The following DHX37 variants were observed in gnomAD, a reference collection of about 807,000 sequenced individuals.
The protein encoded by DHX37 is DEAH-box helicase 37, also known as probable ATP-dependent RNA helicase DHX37.
In DHX37, 52 loss-of-function variants were observed where a neutral mutation model predicts 134.3. The observed-to-expected ratio is 0.39, with a 90% CI of 0.31 to 0.49. The LOEUF (loss-of-function observed/expected upper bound fraction) is 0.49, where lower values mean the gene tolerates loss of function less well. Ranked by LOEUF, DHX37 falls within the 20% of genes least tolerant of loss-of-function variation. The pLI is 0.93. For synonymous variants in DHX37, 634 were observed against 670.7 expected, an observed-to-expected ratio of 0.95 and a Z score of 0.85; for missense variants, 1,344 against 1,580.8, an observed-to-expected ratio of 0.85 and a Z score of 2.54.
At position 124,952,449 on chromosome 12, in the gene DHX37, G is replaced by A. The variant is rs766286124; in HGVS notation, c.2817C>T (p.Arg939=). Residue 939 remains arginine, a synonymous_variant, in exon 21 of 27, where the codon CGC becomes CGT. Transcript: ENST00000308736. ...VTAGLGDHLA[R]RVQSEEMLED... is the part of the protein sequence containing the mutation. ...CCAGCATCTCCTCGCTCTGGACCCTGCGGGCCAAGTGGTCCCCCAGGCCTG... is the reference window on the plus strand; with the variant it reads ...CCAGCATCTCCTCGCTCTGGACCCTACGGGCCAAGTGGTCCCCCAGGCCTG... The A allele has an allele frequency of 6.2e-7, 1 of 1,611,274 alleles. No individual in the cohort carries two copies. The highest frequency in any genetic ancestry group is 1.1e-5 in the South Asian group (1 of 90,940).
intron 18 of DHX37, among the ~76,000 whole-genome samples, chr12:124,954,891 T>A (rs926384140): frequency 3.3e-5 from 5 of 152,216 alleles, no homozygotes; most frequent in African/African-American, 1.2e-4. Flanking sequence ...CCAATTATTA[T>A]CATTATCATC....
At position 124,982,592 on chromosome 12, in the gene DHX37, A is replaced by T; in HGVS notation, c.308T>A (p.Val103Asp). ...RAEMLQKLSE[V>D]QASEAEMRLF... ...TCTCATCTCAGCTTCGGAAGCCTGG[A>T]CTTCACTCAGCTTCTGTAGCATCTC... The change falls in exon 3 of 27, where the codon GTC (valine) becomes GAC (aspartate). Residue 103 changes from valine to aspartate, a missense_variant. Physicochemically the swap from Val to Asp is radical, Grantham distance 152. Transcript: ENST00000308736. 1 of 1,613,662 alleles carries T rather than the reference A, an allele frequency of 6.2e-7. No homozygotes were observed. The highest frequency in any genetic ancestry group is 8.5e-7 in the Non-Finnish European group (1 of 1,179,790).
intron 10 of DHX37, 72 bp from the exon 11 acceptor site, chr12:124,967,290 A>G (rs1255643798): frequency 7.3e-5 from 111 of 1,525,284 alleles, no homozygotes; most frequent in Non-Finnish European, 1.8e-6. Context: ...AGCACCTGCC[A>G]AGCCATGCTC....
chr12:124,952,295 C>T (rs1953989881), intron 21 of DHX37, 103 bp downstream of exon 21: 1 of 1,274,100 alleles, frequency 7.8e-7, no homozygotes, highest in East Asian at 2.8e-5. Context: ...TGGGGACCCA[C>T]AGCTGAGAGG....
intron 8 of DHX37, among the ~76,000 whole-genome samples, chr12:124,970,995 C>T (rs767059562): frequency 6.6e-6 from 1 of 152,246 alleles, no homozygotes; most frequent in Non-Finnish European, 1.5e-5. Flanking sequence ...CCTCATCAAC[C>T]AGCCCCATTG....
intron 4 of DHX37, 71 bp from the exon 5 acceptor site, chr12:124,977,561 G>A: frequency 1.2e-5 from 17 of 1,477,636 alleles, no homozygotes; most frequent in Admixed American, 2.5e-5. Context: ...CCAGGAAGGT[G>A]GCAGCTGACA....
chr12:124,964,719 T>G (rs1594488611), intron 14 of DHX37, 93 bp from the exon 15 acceptor site: 1 of 1,546,600 alleles, frequency 6.5e-7, no homozygotes, highest in Non-Finnish European at 8.7e-7. Context: ...CAGGCTGGTG[T>G]GCTGGAGACG....
At chr12:124,951,745 G>C (rs1953981471) in intron 21 of DHX37, among the ~76,000 whole-genome samples, 1 of 152,096 alleles carries the variant, frequency 6.6e-6, no homozygotes, top group South Asian at 2.1e-4. Flanking sequence ...GCCGAGGTGG[G>C]CAGATCACTT....
chr12:124,952,749 C>T, intron 20 of DHX37, 179 bp from the exon 21 acceptor site: 1 of 464,052 alleles, frequency 2.2e-6, no homozygotes, highest in Non-Finnish European at 3.6e-6. Flanking sequence ...ATTGCAGCCG[C>T]CCCCCCATTC....
rs756487768 is a variant in DHX37 at position 124,989,036 on chromosome 12, G to A, written c.-14C>T. On this transcript the variant is annotated 5_prime_UTR_variant, in exon 1 of 27. Transcript: ENST00000308736. ...CAGCTTCCCCATGGCGACTAGGCCA[G>A]GGTGGGCGCTCCAGCGGCCGGACCA... 7 of 1,349,888 alleles carry A rather than the reference G, an allele frequency of 5.2e-6. No homozygotes were observed. Among genetic ancestry groups the A allele is most frequent in the Non-Finnish European group, 6.7e-6 (7 of 1,043,646 alleles). The allele number at this position is 1,349,888 out of a possible 1,614,324, so 83.6% of individuals were successfully genotyped here.
chr12:124,979,745 C>T (rs75559692), intron 4 of DHX37, among the ~76,000 whole-genome samples: 2 of 152,302 alleles, frequency 1.3e-5, no homozygotes, highest in African/African-American at 4.8e-5. Flanking sequence ...CCTGAGTGAC[C>T]GCGCGGAGCA....
rs115567271 is a variant in DHX37, at chr12:124,956,777, T to G, written c.2367A>C (p.Ala789=). ...PVAPRYAKML[A]LSRQHGCLPY... The stretch of plus-strand genomic sequence containing the variant: ...GCAGGCAGCCGTGTTGTCGGCTCAG[T>G]GCCAGCATCTTAGCGTAGCGGGGTG... Residue 789 remains alanine, a synonymous_variant, in exon 18 of 27, where the codon GCA becomes GCC. Coordinates refer to ENST00000308736, the MANE Select transcript of DHX37 (RefSeq NM_032656.4). The G allele has an allele frequency of 5.0e-3, 8,123 of 1,611,852 alleles. 332 individuals carry two copies. The African/African-American group carries it at 0.089, about 18-fold the overall frequency.
intron 3 of DHX37, among the ~76,000 whole-genome samples, chr12:124,981,525 C>T (rs1954760544): frequency 1.3e-5 from 2 of 152,166 alleles, no homozygotes; most frequent in South Asian, 4.1e-4. Flanking sequence ...GCTTCAACCT[C>T]CCAGGCTCAG....
intron 6 of DHX37, among the ~76,000 whole-genome samples, chr12:124,973,632 C>A (rs7974652): frequency 0.65 from 87,560 of 135,750 alleles, 29,228 homozygotes; most frequent in East Asian, 0.78. Flanking sequence ...TGCGCCCCCC[C>A]CAACGCTTTT....
At chr12:124,987,541 G>A (rs79826534) in intron 1 of DHX37, among the ~76,000 whole-genome samples, 5,049 of 152,272 alleles carry the variant, frequency 0.033, 279 homozygotes, top group African/African-American at 0.11. Context: ...GTCTACGGCT[G>A]TCTTTGAGGT....
intron 4 of DHX37, among the ~76,000 whole-genome samples, chr12:124,978,029 C>G (rs1341039545): frequency 6.6e-6 from 1 of 152,168 alleles, no homozygotes; most frequent in African/African-American, 2.4e-5. Context: ...GGCGCGATCT[C>G]GGCTCACTGC....
rs1397222319 is a variant in DHX37 at position 124,952,569 on chromosome 12, G to T, written c.2697C>A (p.Val899=). The part of the protein sequence containing the change: ...RRLRGQLTTA[V]NAVCPEAELF... ...GCTCAGCCTCGGGGCACACGGCATT[G>T]ACTGAGGGGAGAACCAAGAGTGAGG... is the stretch of plus-strand genomic sequence containing the variant. The change falls in exon 21 of 27, where the codon GTC becomes GTA. Residue 899 remains valine, a splice_region_variant and synonymous_variant. Transcript: ENST00000308736. The T allele has an allele frequency of 5.1e-6, 8 of 1,578,780 alleles. No individual in the cohort carries two copies. Among genetic ancestry groups the T allele is most frequent in the Non-Finnish European group, 6.9e-6 (8 of 1,157,560 alleles).
At chr12:124,958,124 TG>T (rs1954139616) in intron 16 of DHX37, among the ~76,000 whole-genome samples, 2 of 152,218 alleles carry the variant, frequency 1.3e-5, no homozygotes. Context: ...GCTTCCTTTC[TG>T]GGGTGATGAA....
intron 16 of DHX37, among the ~76,000 whole-genome samples, chr12:124,958,776 C>G (rs1954158531): frequency 1.3e-5 from 2 of 150,974 alleles, no homozygotes; most frequent in Non-Finnish European, 1.5e-5. Context: ...CAGGTGCCCA[C>G]CATCACGCCT....
Sources: gnomAD v4.1 joint callset for allele counts (sites outside exome capture counted in the v4.1 genomes callset) on GRCh38, gnomAD v4.1.1 for gene constraint, MANE v1.5 for transcripts, NCBI Gene and HGNC (gene_info 2026-07-23, HGNC 2026-07-21) for gene names.